PLCG2: variants seen among roughly 807,000 people sequenced by gnomAD.
PLCG2 encodes 1-phosphatidylinositol 4,5-bisphosphate phosphodiesterase gamma-2.
A neutral mutation model predicts 175.6 loss-of-function variants in PLCG2; 69 were observed. The observed-to-expected ratio is 0.39, with a 90% confidence interval of 0.32 to 0.48. The LOEUF (loss-of-function observed/expected upper bound fraction) is 0.48, where lower values mean the gene tolerates loss of function less well. PLCG2 is among the 20% of genes least tolerant of loss of function. The pLI, the probability that PLCG2 is intolerant of heterozygous loss-of-function variation, is 0.91. For missense variants in PLCG2, 1,798 were observed against 1,650.9 expected (o/e 1.09, Z -1.54); for synonymous variants, 827 against 624.0 (o/e 1.33, Z -4.85).
At chr16:81,801,619 A>T (rs543969269) in intron 2 of PLCG2, among the ~76,000 whole-genome samples, 15 of 152,124 alleles carry the variant, frequency 9.9e-5, no homozygotes, top group African/African-American at 3.4e-4. Flanking sequence ...ATAGGATTCT[A>T]CCTTATTTTT....
At chr16:81,821,606 C>G (rs911793581) in intron 2 of PLCG2, among the ~76,000 whole-genome samples, 2 of 152,068 alleles carry the variant, frequency 1.3e-5, no homozygotes, top group African/African-American at 4.8e-5. Context: ...GTGTGCTGCT[C>G]TGAGCCAGGC....
chr16:81,934,666 G>A (rs1250361581), intron 26 of PLCG2, 135 bp downstream of exon 26: 1 of 658,468 alleles, frequency 1.5e-6, no homozygotes, highest in Non-Finnish European at 2.7e-6. Context: ...CCCACCTTGG[G>A]TTTGTCCTCC....
intron 16 of PLCG2, 58 bp downstream of exon 16, chr16:81,907,832 C>A: frequency 1.5e-6 from 2 of 1,294,642 alleles, no homozygotes; most frequent in Non-Finnish European, 2.2e-6. Context: ...GAGGACCAGC[C>A]AGTCCCCGGG....
chr16:81,834,376 C>A (rs1905405060), intron 2 of PLCG2, among the ~76,000 whole-genome samples: 1 of 152,130 alleles, frequency 6.6e-6, no homozygotes, highest in Non-Finnish European at 1.5e-5. Flanking sequence ...AGAGTCTTAG[C>A]CCAGGAGCCG....
At chr16:81,899,252 C>G (rs963941263) in intron 13 of PLCG2, among the ~76,000 whole-genome samples, 1 of 148,804 alleles carries the variant, frequency 6.7e-6, no homozygotes, top group African/African-American at 2.5e-5. Context: ...TTTCTCCTGC[C>G]TCAGGAGGAG....
At chr16:81,908,869 G>C (rs893302284) in intron 17 of PLCG2, among the ~76,000 whole-genome samples, 51 of 152,150 alleles carry the variant, frequency 3.4e-4, no homozygotes, top group African/African-American at 1.2e-3. Flanking sequence ...TTTAAACAAA[G>C]ACAAGATCTG....
In PLCG2 at chr16:81,959,760, T is replaced by G. The variant is rs1022471594; in HGVS notation, c.*1762T>G. ...CTCTGTAGCCAGGGCCCCATTAGCCTTTGGCCAGGTAGCCACCAGAACCTA... is the reference window on the plus strand; with the variant it reads ...CTCTGTAGCCAGGGCCCCATTAGCCGTTGGCCAGGTAGCCACCAGAACCTA... On this transcript the variant is annotated 3_prime_UTR_variant, in exon 33 of 33. Transcript: ENST00000564138. 4 of 184,632 alleles carry G rather than the reference T, an allele frequency of 2.2e-5. No homozygotes were observed. Among genetic ancestry groups the G allele is most frequent in the African/African-American group, 9.4e-5 (4 of 42,592 alleles). The allele number at this position is 184,632 out of a possible 1,614,324, so 11.4% of individuals were successfully genotyped here. A position where few individuals can be genotyped will look rare whatever the true frequency, so the allele number is the denominator to read the frequency against.
rs1333169482 is a variant in PLCG2, at chr16:81,819,679, G to T, written c.193+33497G>T. Among the ~76,000 whole-genome samples, 3 of 152,160 alleles carry T rather than the reference G, an allele frequency of 2.0e-5. No homozygotes were observed. The South Asian group carries it at 6.2e-4, about 32-fold the overall frequency. On this transcript the variant is annotated intron_variant, in intron 2 of 32. Coordinates refer to ENST00000564138, the MANE Select transcript of PLCG2 (RefSeq NM_002661.5). ...GGCTCACTGCAACCTCCGCCTTCTG[G>T]TTTCAAGCGAATATCCTGCCTCAGC...
intron 2 of PLCG2, among the ~76,000 whole-genome samples, chr16:81,803,781 A>G (rs1911868132): frequency 6.6e-6 from 1 of 151,498 alleles, no homozygotes. Flanking sequence ...TCCTGGATTC[A>G]AGTGATTCTC....
At chr16:81,748,115 T>A (rs1302214092) in intron 1 of PLCG2, among the ~76,000 whole-genome samples, 2 of 152,158 alleles carry the variant, frequency 1.3e-5, no homozygotes, top group Admixed American at 6.5e-5. Context: ...CCTCAGATGA[T>A]CCGCCCACCT....
intron 24 of PLCG2, among the ~76,000 whole-genome samples, chr16:81,931,016 G>C (rs546071532): frequency 6.6e-6 from 1 of 152,122 alleles, no homozygotes; most frequent in African/African-American, 2.4e-5. Flanking sequence ...AAGATATTCA[G>C]TGTTTCTTTT....
chr16:81,925,555 A>G (rs924496944), intron 22 of PLCG2, among the ~76,000 whole-genome samples: 4 of 152,182 alleles, frequency 2.6e-5, no homozygotes, highest in Non-Finnish European at 4.4e-5. Flanking sequence ...AAAATTGTTA[A>G]GTTCTTCCCA....
chr16:81,789,275 C>T (rs537063295), intron 2 of PLCG2, among the ~76,000 whole-genome samples: 1 of 152,366 alleles, frequency 6.6e-6, no homozygotes, highest in Admixed American at 6.5e-5. Flanking sequence ...ATTTCACTCG[C>T]TTACGCGGAT....
chr16:81,949,131 A>C (rs190112093), intron 31 of PLCG2, among the ~76,000 whole-genome samples: 15 of 152,358 alleles, frequency 9.8e-5, no homozygotes, highest in African/African-American at 3.6e-4. Flanking sequence ...TGAGATGGAA[A>C]GAAAGGAAAA....
intron 5 of PLCG2, among the ~76,000 whole-genome samples, chr16:81,867,602 C>A (rs569257897): frequency 7.2e-5 from 11 of 152,314 alleles, no homozygotes; most frequent in Admixed American, 2.0e-4. Flanking sequence ...ACACCTGTCA[C>A]CTGATAAGCA....
chr16:81,854,294 G>C (rs1906570075), intron 2 of PLCG2, 150 bp from the exon 3 acceptor site: 4 of 706,436 alleles, frequency 5.7e-6, no homozygotes, highest in Non-Finnish European at 9.9e-6. Context: ...TCCAGAAGGA[G>C]GGGACACTGA....
chr16:81,762,584 G>T (rs571310967), intron 2 of PLCG2, among the ~76,000 whole-genome samples: 12 of 151,754 alleles, frequency 7.9e-5, no homozygotes, highest in Non-Finnish European at 1.6e-4. Context: ...AAAAAAAAGT[G>T]TATAAAATTG....
chr16:81,749,769 C>G (rs1303118048), intron 1 of PLCG2, among the ~76,000 whole-genome samples: 6 of 152,202 alleles, frequency 3.9e-5, no homozygotes, highest in Non-Finnish European at 7.3e-5. Context: ...AGCATTTACA[C>G]AGCAAATGAT....
At chr16:81,872,709 T>C (rs140655514) in intron 7 of PLCG2, among the ~76,000 whole-genome samples, 3 of 152,228 alleles carry the variant, frequency 2.0e-5, no homozygotes, top group Non-Finnish European at 4.4e-5. Context: ...GTGTGAGGGC[T>C]TGGGGAGTAC....
Sources: gnomAD v4.1 joint callset for allele counts (sites outside exome capture counted in the v4.1 genomes callset) on GRCh38, gnomAD v4.1.1 for gene constraint, MANE v1.5 for transcripts, NCBI Gene and HGNC (gene_info 2026-07-23, HGNC 2026-07-21) for gene names.